C2CD3: variants seen among roughly 807,000 people sequenced by gnomAD.
C2CD3 encodes C2 domain containing 3 centriole elongation regulator.
C2CD3 carries 148 observed loss-of-function variants against 234.0 expected under a neutral mutation model. The observed-to-expected ratio is 0.63, with a 90% CI of 0.55 to 0.72. C2CD3 has a LOEUF of 0.72. Among genes scored for constraint, C2CD3 ranks in the 30% least tolerant of loss-of-function variants. C2CD3 has a pLI of 0.00. For missense variants in C2CD3, 2,577 were observed against 2,811.5 expected (o/e 0.92, Z 1.89); for synonymous variants, 1,000 against 1,035.4 (o/e 0.97, Z 0.66).
rs139726162 is a variant in C2CD3 at position 74,045,524 on chromosome 11, T to C, written c.5495+2681A>G. 3.3e-5 allele frequency among the ~76,000 whole-genome samples: 5 copies of C among 152,246 alleles called. No individual in the cohort carries two copies. The East Asian group carries it at 7.7e-4, about 23-fold the overall frequency. ...AATATTAAGTCTGTTAATCCATAGATATGGGATGTCTTTGATTTTATTTAG... is the reference window on the plus strand; with the variant it reads ...AATATTAAGTCTGTTAATCCATAGACATGGGATGTCTTTGATTTTATTTAG... On this transcript the variant is annotated intron_variant, in intron 28 of 32. Coordinates refer to ENST00000334126, the MANE Select transcript of C2CD3 (RefSeq NM_001286577.2).
At chr11:74,120,064 C>T (rs560352791) in intron 8 of C2CD3, among the ~76,000 whole-genome samples, 1 of 151,336 alleles carries the variant, frequency 6.6e-6, no homozygotes, top group South Asian at 2.1e-4. Context: ...ATAATGTCAA[C>T]TAATTTAAGC....
chr11:74,074,614 G>C lies in C2CD3; in HGVS notation c.4604-14C>G. ...GAGGATACACACCTAAAAGAAGATG[G>C]AGAAGAATAAGGCTAGTCAAGCAGG... On this transcript the variant is annotated splice_polypyrimidine_tract_variant and intron_variant, in intron 23 of 32. Transcript: ENST00000334126. 2 of 1,594,700 alleles carry C rather than the reference G, an allele frequency of 1.3e-6. No homozygotes were observed. Among genetic ancestry groups the C allele is most frequent in the East Asian group, 4.5e-5 (2 of 44,172 alleles).
At chr11:74,054,226 C>T (rs112285613) in intron 26 of C2CD3, among the ~76,000 whole-genome samples, 5 of 147,742 alleles carry the variant, frequency 3.4e-5, no homozygotes, top group Non-Finnish European at 5.9e-5. Flanking sequence ...GAGCCAAGAT[C>T]GTGCCACTGC....
Position 74,103,512 on chromosome 11 carries a change from T to C in C2CD3, c.2199A>G (p.Leu733=), listed in dbSNP as rs1356379833. ...AGGTCATATCTTGGTTAAGTTCTGG[T>C]AGTGCCTTATTTGGACTTGTAGGAG... ...LCAPTSPNKA[L]PELNQDMTCT... The change falls in exon 14 of 33, where the codon CTA becomes CTG. Residue 733 remains leucine (L), a synonymous_variant. Transcript: ENST00000334126. The C allele has an allele frequency of 2.5e-6, 4 of 1,614,092 alleles. No individual in the cohort carries two copies. The highest frequency in any genetic ancestry group is 3.4e-6 in the Non-Finnish European group (4 of 1,180,038).
intron 20 of C2CD3, among the ~76,000 whole-genome samples, chr11:74,088,446 C>A (rs1955749037): frequency 6.6e-6 from 1 of 152,210 alleles, no homozygotes; most frequent in African/African-American, 2.4e-5. Flanking sequence ...GTGAACCTCT[C>A]CCAACCTACC....
chr11:74,149,968 C>T lies in C2CD3; in HGVS notation c.484-10140G>A, dbSNP rs115425430. Among the ~76,000 whole-genome samples, 1,313 of 152,162 alleles carry T rather than the reference C, an allele frequency of 8.6e-3. 16 individuals are homozygous for T. The highest frequency in any genetic ancestry group is 0.03 in the African/African-American group (1,233 of 41,510). On this transcript the variant is annotated intron_variant, in intron 3 of 32. Transcript: ENST00000334126. ...GCATTATTGAATTGTCTTCTGGACG[C>T]TAATGTGGCTATTGAGAAGTTTGAA... is the stretch of plus-strand genomic sequence containing the variant.
At chr11:74,147,149 T>A (rs1369040596) in intron 3 of C2CD3, among the ~76,000 whole-genome samples, 1 of 152,274 alleles carries the variant, frequency 6.6e-6, no homozygotes. Flanking sequence ...GGCACAGTGG[T>A]TCACACAAAT....
chr11:74,029,398 T>C (rs1212539752), intron 31 of C2CD3, among the ~76,000 whole-genome samples: 1 of 152,258 alleles, frequency 6.6e-6, no homozygotes, highest in Non-Finnish European at 1.5e-5. Flanking sequence ...CCTAGCATAG[T>C]ACCTGGGAGA....
chr11:74,026,836 T>C (rs1215384968), intron 32 of C2CD3, among the ~76,000 whole-genome samples: 3 of 151,812 alleles, frequency 2.0e-5, no homozygotes, highest in African/African-American at 7.3e-5. Flanking sequence ...GGCATGGTAG[T>C]GGTGCACGCC....
Position 74,133,545 on chromosome 11 carries a change from T to C in C2CD3, c.968A>G (p.Gln323Arg). The C allele has an allele frequency of 6.2e-7, 1 of 1,614,126 alleles. No homozygotes were observed. Among genetic ancestry groups the C allele is most frequent in the Non-Finnish European group, 8.5e-7 (1 of 1,180,008 alleles). ...TKDLLSALLE[Q>R]GNKLRNAMVI... ...CATGGCATTACGCAGTTTATTGCCT[T>C]GTTCTAACAGAGCTGAAGAGGGTAA... Residue 323 changes from glutamine to arginine, a missense_variant, in exon 6 of 33, where the codon CAA becomes CGA. Transcript: ENST00000334126.
In C2CD3 at chr11:74,054,507, GAAA is replaced by G. The variant is rs869085401; in HGVS notation, c.5155+97_5155+99del. 10,588 of 271,668 alleles carry G rather than the reference GAAA, an allele frequency of 0.039. 232 individuals are homozygous for G. Among genetic ancestry groups the G allele is most frequent in the African/African-American group, 0.15 (4,368 of 28,424 alleles). The allele number at this position is 271,668 out of a possible 1,614,324, so 16.8% of individuals were successfully genotyped here. A position where few individuals can be genotyped will look rare whatever the true frequency, so the allele number is the denominator to read the frequency against. On this transcript the variant is annotated intron_variant, in intron 26 of 32. Transcript: ENST00000334126. ...TGTCGGGAATGCTTCACTTGGTTTG[GAAA>G]AAAAAAAAAAAAAAAAAAAAAAGGA...
chr11:74,149,130 C>T (rs957384206), intron 3 of C2CD3, among the ~76,000 whole-genome samples: 17 of 152,192 alleles, frequency 1.1e-4, no homozygotes, highest in African/African-American at 4.1e-4. Context: ...CAGGCATAAC[C>T]TTTTGACTTC....
intron 24 of C2CD3, among the ~76,000 whole-genome samples, chr11:74,058,448 ATTATTTCTATCATTG>A (rs1308027900): frequency 1.3e-5 from 2 of 152,280 alleles, no homozygotes; most frequent in Non-Finnish European, 2.9e-5. Flanking sequence ...GATTTCTATC[ATTATTTCTATCATTG>A]TTATTTCTAT....
At chr11:74,116,912 A>G (rs200111251) in intron 9 of C2CD3, among the ~76,000 whole-genome samples, 15 of 112,718 alleles carry the variant, frequency 1.3e-4, no homozygotes, top group South Asian at 5.4e-4. Flanking sequence ...ACGTGTATGT[A>G]TATATACATA....
At chr11:74,050,148 G>A (rs1004077413) in intron 26 of C2CD3, among the ~76,000 whole-genome samples, 2 of 152,148 alleles carry the variant, frequency 1.3e-5, no homozygotes, top group Admixed American at 1.3e-4. Flanking sequence ...AGGCTATCAT[G>A]TCTCAGTGAT....
At chr11:74,155,786 G>A (rs1855973568) in intron 3 of C2CD3, among the ~76,000 whole-genome samples, 1 of 152,142 alleles carries the variant, frequency 6.6e-6, no homozygotes, top group South Asian at 2.1e-4. Context: ...TTTTTGGGGT[G>A]AAAAATGTTC....
chr11:74,078,733 A>AAAG lies in C2CD3; in HGVS notation c.4001-19_4001-17dup, dbSNP rs751522035. On this transcript the variant is annotated splice_polypyrimidine_tract_variant and intron_variant, in intron 22 of 32. Transcript: ENST00000334126. Reference sequence around the variant, plus strand: ...CCTGTGATCCCTTACGGGAGAAAATAAAGATTCTCAATTATAGTCTTAAAA... The same window carrying AAAG: ...CCTGTGATCCCTTACGGGAGAAAATAAAGAAGATTCTCAATTATAGTCTTAAAA... The AAAG allele has an allele frequency of 6.4e-7, 1 of 1,556,560 alleles. No individual in the cohort carries two copies. The highest frequency in any genetic ancestry group is 8.6e-7 in the Non-Finnish European group (1 of 1,156,914).
At chr11:74,126,320 T>C (rs1343766645) in intron 7 of C2CD3, among the ~76,000 whole-genome samples, 1 of 152,226 alleles carries the variant, frequency 6.6e-6, no homozygotes, top group Admixed American at 6.5e-5. Flanking sequence ...TCTCTCAGTA[T>C]TTTAAAATTT....
At chr11:74,036,215 T>C (rs1952736929) in intron 30 of C2CD3, 1 of 309,492 alleles carries the variant, frequency 3.2e-6, no homozygotes, top group Non-Finnish European at 6.5e-6. Flanking sequence ...TTCCCCTATT[T>C]GTTTCCACCT....
Sources: allele counts gnomAD v4.1 joint callset (sites outside exome capture counted in the v4.1 genomes callset), GRCh38; gene constraint gnomAD v4.1.1; transcripts MANE v1.5; gene names NCBI Gene and HGNC (gene_info 2026-07-23, HGNC 2026-07-21).